Variants in FAM3B observed in about 807,000 individuals in gnomAD.
FAM3B encodes FAM3 metabolism regulating signaling molecule B.
In FAM3B, 29 loss-of-function variants were observed where a neutral mutation model predicts 28.4. The ratio of observed to expected loss-of-function variants is 1.02; its 90% CI spans 0.76 to 1.39. The LOEUF (loss-of-function observed/expected upper bound fraction) is 1.39, where lower values mean the gene tolerates loss of function less well. Among genes scored for constraint, FAM3B ranks in the 40% most tolerant of loss-of-function variants. FAM3B has a pLI of 0.00. For synonymous variants in FAM3B, 91 were observed against 103.0 expected, an observed-to-expected ratio of 0.88 and a Z score of 0.71; for missense variants, 266 against 293.9, an observed-to-expected ratio of 0.91 and a Z score of 0.69.
At chr21:41,351,561 A>C (rs1257491403) in intron 7 of FAM3B, among the ~76,000 whole-genome samples, 1 of 151,888 alleles carries the variant, frequency 6.6e-6, no homozygotes, top group African/African-American at 2.4e-5. Flanking sequence ...GTGCCACTGG[A>C]GGAATCATTT....
intron 7 of FAM3B, among the ~76,000 whole-genome samples, chr21:41,356,072 CACACACACACACAT>C (rs1365020229): frequency 1.3e-5 from 2 of 150,498 alleles, no homozygotes; most frequent in East Asian, 1.9e-4. Flanking sequence ...CACACACACA[CACACACACACACAT>C]AGTTTTACTC....
chr21:41,330,728 A>G (rs1305147568), intron 2 of FAM3B, among the ~76,000 whole-genome samples: 1 of 152,208 alleles, frequency 6.6e-6, no homozygotes, highest in Non-Finnish European at 1.5e-5. Flanking sequence ...CTGTTAGCAT[A>G]CTGTCCTCCA....
chr21:41,307,448 A>G lies in FAM3B; in HGVS notation n.99+3138A>G, dbSNP rs973608996. Among the ~76,000 whole-genome samples the G allele has an allele frequency of 5.3e-5, 8 of 152,322 alleles. 1 individual carries two copies. Among genetic ancestry groups the G allele is most frequent in the Admixed American group, 1.3e-4 (2 of 15,306 alleles). On this transcript the variant is annotated intron_variant and non_coding_transcript_variant, in intron 1 of 9. Coordinates refer to the FAM3B transcript ENST00000479810. ...TTCTGTTTTCACTGGGGTGGCACTT[A>G]TCATATCCTTTAAAAACTTTCCTTT...
intron 5 of FAM3B, chr21:41,345,972 T>C: frequency 2.5e-6 from 1 of 401,242 alleles, no homozygotes; most frequent in Non-Finnish European, 4.5e-6. Context: ...CCTCAGTCTT[T>C]CTCTTTTTAG....
chr21:41,313,753 G>A (rs1266904196), upstream of FAM3B, among the ~76,000 whole-genome samples: 1 of 152,010 alleles, frequency 6.6e-6, no homozygotes, highest in African/African-American at 2.4e-5. Flanking sequence ...ATGTATGCAT[G>A]TCGCATTTGA....
At position 41,322,766 on chromosome 21, in the gene FAM3B, C is replaced by T. The variant is rs918679529; in HGVS notation, c.20-157C>T. 3.0e-6 allele frequency: 3 copies of T among 994,200 alleles called. No homozygotes were observed. The Admixed American group carries it at 5.9e-5, about 20-fold the overall frequency. 61.6% of individuals were successfully genotyped at this position (994,200 alleles called of 1,614,324 possible). On this transcript the variant is annotated intron_variant, in intron 1 of 7. Transcript: ENST00000357985. Reference sequence around the variant, plus strand: ...GTCTACTTCAAAGGTCCTGACACCGCCTCCCACCCTGGGAGCCTCCTCCCA... The same window carrying T: ...GTCTACTTCAAAGGTCCTGACACCGTCTCCCACCCTGGGAGCCTCCTCCCA...
intron 2 of FAM3B, among the ~76,000 whole-genome samples, chr21:41,330,193 C>A (rs2088892602): frequency 6.7e-6 from 1 of 149,488 alleles, no homozygotes; most frequent in South Asian, 2.1e-4. Context: ...AACACACAAT[C>A]TGAAATGCTT....
chr21:41,332,352 C>T (rs1466733284), intron 2 of FAM3B, among the ~76,000 whole-genome samples: 1 of 152,172 alleles, frequency 6.6e-6, no homozygotes, highest in African/African-American at 2.4e-5. Context: ...TTCTTTATAG[C>T]AATGCAAGAA....
At chr21:41,345,189 G>A (rs1354370488) in intron 4 of FAM3B, among the ~76,000 whole-genome samples, 2 of 151,912 alleles carry the variant, frequency 1.3e-5, no homozygotes, top group African/African-American at 2.4e-5. Flanking sequence ...GGGATGAGGC[G>A]GGTGGGCCTG....
chr21:41,345,355 G>A (rs2089047153), intron 4 of FAM3B, among the ~76,000 whole-genome samples: 1 of 151,576 alleles, frequency 6.6e-6, no homozygotes, highest in Non-Finnish European at 1.5e-5. Flanking sequence ...GGGCTCTGGT[G>A]TTTCTGTGGG....
chr21:41,336,629 A>T (rs1489052238), intron 2 of FAM3B, among the ~76,000 whole-genome samples: 2 of 152,234 alleles, frequency 1.3e-5, no homozygotes, highest in Non-Finnish European at 2.9e-5. Flanking sequence ...TTTAATTTTT[A>T]AAAAATTTTC....
chr21:41,322,816 C>A, intron 1 of FAM3B, 107 bp from the exon 2 acceptor site: 1 of 1,565,992 alleles, frequency 6.4e-7, no homozygotes, highest in Non-Finnish European at 8.8e-7. Context: ...ATAGCGCAGT[C>A]CCCTGACACT....
intron 1 of FAM3B, among the ~76,000 whole-genome samples, chr21:41,322,169 C>T (rs2145797762): frequency 6.6e-6 from 1 of 151,970 alleles, no homozygotes; most frequent in South Asian, 2.1e-4. Context: ...CCATGGGTTG[C>T]CAATGAAAAG....
At chr21:41,348,823 T>TA in intron 7 of FAM3B, 99 bp downstream of exon 7, 1 of 1,338,138 alleles carries the variant, frequency 7.5e-7, no homozygotes, top group Non-Finnish European at 1.1e-6. Flanking sequence ...TCTCCAAACA[T>TA]AAGAGTTGTG....
Position 41,316,905 on chromosome 21 carries a change from G to A in FAM3B, c.19+7G>A. ...ATGCGCCCATTGGCTGGTGGTGAGT[G>A]CGCCCCCGCCTCGGGGCGAGGGTAG... On this transcript the variant is annotated splice_region_variant and intron_variant, in intron 1 of 7. Transcript: ENST00000357985. 7.3e-7 allele frequency: 1 copy of A among 1,364,992 alleles called. No homozygotes were observed. The highest frequency in any genetic ancestry group is 3.5e-5 in the Admixed American group (1 of 28,534). The allele number at this position is 1,364,992 out of a possible 1,614,324, so 84.6% of individuals were successfully genotyped here. A position where few individuals can be genotyped will look rare whatever the true frequency, so the allele number is the denominator to read the frequency against.
In FAM3B at chr21:41,347,114, G is replaced by A; in HGVS notation, c.485+14G>A. 1 of 1,613,470 alleles carries A rather than the reference G, an allele frequency of 6.2e-7. No individual in the cohort carries two copies. Among genetic ancestry groups the A allele is most frequent in the Admixed American group, 1.7e-5 (1 of 60,022 alleles). ...CGGAAGCACAAGGTGAGTGGGTGTA[G>A]GTCTGTCACAGCGGTGGGCAAGAGA... is the stretch of plus-strand genomic sequence containing the variant. On this transcript the variant is annotated intron_variant, in intron 6 of 7. Transcript: ENST00000357985.
At chr21:41,313,048 G>T (rs1174793062), upstream of FAM3B, among the ~76,000 whole-genome samples, 1 of 152,178 alleles carries the variant, frequency 6.6e-6, no homozygotes, top group Non-Finnish European at 1.5e-5. Flanking sequence ...CCTGAAGTAC[G>T]CTCAGCTAAT....
At chr21:41,308,879 G>T (rs1391155793) in intron 1 of FAM3B, among the ~76,000 whole-genome samples, 4 of 152,184 alleles carry the variant, frequency 2.6e-5, no homozygotes, top group Admixed American at 6.5e-5. Flanking sequence ...GGACAAGTAG[G>T]AAGAGAAGTG....
At chr21:41,321,758 G>A (rs759087020) in intron 1 of FAM3B, among the ~76,000 whole-genome samples, 5 of 152,252 alleles carry the variant, frequency 3.3e-5, no homozygotes, top group African/African-American at 4.8e-5. Flanking sequence ...GCGCAGCATA[G>A]CCGGTGCATG....
Sources: gnomAD v4.1 joint callset for allele counts (sites outside exome capture counted in the v4.1 genomes callset) on GRCh38, gnomAD v4.1.1 for gene constraint, MANE v1.5 for transcripts, NCBI Gene and HGNC (gene_info 2026-07-23, HGNC 2026-07-21) for gene names.